RANBP9: variants seen among roughly 807,000 people sequenced by gnomAD.
RANBP9 encodes ran-binding protein 9.
A neutral mutation model predicts 84.3 loss-of-function variants in RANBP9; 15 were observed. The ratio of observed to expected loss-of-function variants is 0.18; its 90% confidence interval spans 0.12 to 0.27. The LOEUF is 0.27. Ranked by LOEUF, RANBP9 falls within the 10% of genes least tolerant of loss-of-function variation. The probability of loss-of-function intolerance (pLI) is 1.00; values close to 1 mark genes in which losing one functional copy is unlikely to be tolerated. For synonymous variants in RANBP9, 392 were observed against 349.6 expected (o/e 1.12, Z -1.35); for missense variants, 809 against 912.8 (o/e 0.89, Z 1.46).
At chr6:13,633,456 T>C (rs1048380445) in intron 11 of RANBP9, among the ~76,000 whole-genome samples, 5 of 152,256 alleles carry the variant, frequency 3.3e-5, no homozygotes, top group Non-Finnish European at 5.9e-5. Flanking sequence ...CTTTGTGCTA[T>C]TAGCTTTTTG....
At chr6:13,694,945 C>T (rs1010649915) in intron 2 of RANBP9, among the ~76,000 whole-genome samples, 4 of 152,062 alleles carry the variant, frequency 2.6e-5, no homozygotes, top group South Asian at 4.2e-4. Flanking sequence ...ATATCAACTG[C>T]GATGCTGGTT....
At chr6:13,627,004 C>A (rs753650381) in intron 12 of RANBP9, among the ~76,000 whole-genome samples, 4 of 152,204 alleles carry the variant, frequency 2.6e-5, no homozygotes, top group African/African-American at 4.8e-5. Flanking sequence ...CGTGCCTCTA[C>A]GCAAACACAC....
At chr6:13,643,056 A>T (rs561272162) in intron 6 of RANBP9, among the ~76,000 whole-genome samples, 2 of 152,248 alleles carry the variant, frequency 1.3e-5, no homozygotes, top group African/African-American at 4.8e-5. Context: ...TTCTTTACAC[A>T]CCGGTTAAAT....
At chr6:13,669,738 G>A (rs1765730705) in intron 2 of RANBP9, among the ~76,000 whole-genome samples, 1 of 152,090 alleles carries the variant, frequency 6.6e-6, no homozygotes, top group Non-Finnish European at 1.5e-5. Context: ...ACAGTTGCAT[G>A]CCACCATGCC....
intron 2 of RANBP9, among the ~76,000 whole-genome samples, chr6:13,667,495 T>G (rs559292506): frequency 3.1e-4 from 47 of 152,320 alleles, no homozygotes; most frequent in Non-Finnish European, 6.2e-4. Flanking sequence ...ATGTTCCACA[T>G]AACAAATGTT....
chr6:13,644,513 A>C, intron 6 of RANBP9, 32 bp downstream of exon 6: 1 of 1,588,872 alleles, frequency 6.3e-7, no homozygotes, highest in Middle Eastern at 1.7e-4. Flanking sequence ...ACAGATTCTG[A>C]ATAGCATCAA....
At chr6:13,658,168 G>C (rs898033575) in intron 3 of RANBP9, among the ~76,000 whole-genome samples, 1 of 151,938 alleles carries the variant, frequency 6.6e-6, no homozygotes, top group South Asian at 2.1e-4. Context: ...AAAATGTGAT[G>C]GGTAGCCAAT....
chr6:13,649,458 A>G (rs1335339755), intron 5 of RANBP9, among the ~76,000 whole-genome samples: 3 of 125,448 alleles, frequency 2.4e-5, no homozygotes, highest in Non-Finnish European at 5.1e-5. Flanking sequence ...TAGTGCCACA[A>G]CAGAAAAAAA....
intron 5 of RANBP9, among the ~76,000 whole-genome samples, 181 bp from the exon 6 acceptor site, chr6:13,644,910 T>C (rs940759848): frequency 2.0e-5 from 3 of 152,118 alleles, no homozygotes; most frequent in East Asian, 1.9e-4. Flanking sequence ...TGAAAAAATA[T>C]CACTTCCTGC....
Position 13,659,294 on chromosome 6 carries a change from A to G in RANBP9, c.684-462T>C, listed in dbSNP as rs3799929. ...CACACACACACACACACACACACAC[A>G]CGGAAATATGGATTCATATTTGGAA... On this transcript the variant is annotated intron_variant, in intron 2 of 13. Coordinates refer to ENST00000011619, the MANE Select transcript of RANBP9 (RefSeq NM_005493.3). Among the ~76,000 whole-genome samples the G allele has an allele frequency of 1.7e-3, 247 of 147,588 alleles. 8 individuals carry two copies. In the East Asian group the frequency reaches 0.045, roughly 27 times the overall value.
chr6:13,643,475 G>A (rs1765112904), intron 6 of RANBP9, among the ~76,000 whole-genome samples: 1 of 152,058 alleles, frequency 6.6e-6, no homozygotes, highest in African/African-American at 2.4e-5. Flanking sequence ...AAGAGCGGAG[G>A]GAGAAAAGGG....
chr6:13,695,020 G>A (rs1362520), intron 2 of RANBP9, among the ~76,000 whole-genome samples: 62,386 of 151,986 alleles, frequency 0.41, 13,221 homozygotes, highest in Admixed American at 0.51. Flanking sequence ...AGTTTACTAT[G>A]TGTAAAATAT....
rs768328303 is a variant in RANBP9, at chr6:13,622,453, G to C, written c.2099C>G (p.Ala700Gly). The C allele has an allele frequency of 3.1e-6, 5 of 1,599,544 alleles. No individual in the cohort carries two copies. Among genetic ancestry groups the C allele is most frequent in the Non-Finnish European group, 3.4e-6 (4 of 1,173,572 alleles). Residue 700 changes from alanine (A) to glycine (G), a missense_variant, in exon 14 of 14, where the codon GCA (alanine) becomes GGA (glycine). This residue lies in a region of RANBP9 where 233 missense variants were observed against 234.4 expected (regional missense o/e 0.99). Coordinates refer to ENST00000011619, the MANE Select transcript of RANBP9 (RefSeq NM_005493.3). ...NLPKQPPLAL[A>G]MGQATQCLGL... ...TAGACATTGTGTGGCCTGTCCCATT[G>C]CTAGGGCAAGTGGAGGTTGCTTTGG...
In RANBP9 at chr6:13,640,265, G is replaced by A. The variant is rs182359261; in HGVS notation, c.1335-512C>T. On this transcript the variant is annotated intron_variant, in intron 8 of 13. Coordinates refer to ENST00000011619, the MANE Select transcript of RANBP9 (RefSeq NM_005493.3). Reference sequence around the variant, plus strand: ...AAGGATATCTGTTGCTTAACAAGTTGAAATCTGAAGCTCAGTAACATCTCA... The same window carrying A: ...AAGGATATCTGTTGCTTAACAAGTTAAAATCTGAAGCTCAGTAACATCTCA... Among the ~76,000 whole-genome samples the A allele has an allele frequency of 6.7e-4, 102 of 152,170 alleles. 1 individual carries two copies. The East Asian group carries it at 0.018, about 27-fold the overall frequency.
intron 2 of RANBP9, among the ~76,000 whole-genome samples, chr6:13,669,084 C>A (rs912893828): frequency 1.3e-5 from 2 of 151,370 alleles, no homozygotes; most frequent in African/African-American, 4.9e-5. Context: ...TTTCTACACA[C>A]TAGAAATAAT....
chr6:13,666,435 G>C (rs951231242), intron 2 of RANBP9, among the ~76,000 whole-genome samples: 2 of 151,498 alleles, frequency 1.3e-5, no homozygotes, highest in Admixed American at 6.6e-5. Context: ...TTTTTGAAAA[G>C]ATAAGAACCC....
At chr6:13,637,141 C>T (rs1764957079) in intron 10 of RANBP9, among the ~76,000 whole-genome samples, 1 of 152,090 alleles carries the variant, frequency 6.6e-6, no homozygotes, top group South Asian at 2.1e-4. Context: ...AAATATTAAA[C>T]CTGAGTATAT....
intron 1 of RANBP9, among the ~76,000 whole-genome samples, chr6:13,702,632 T>G (rs1758003101): frequency 6.6e-6 from 1 of 152,232 alleles, no homozygotes; most frequent in Admixed American, 6.5e-5. Context: ...AAGGATAATT[T>G]TGGTTATGTA....
intron 2 of RANBP9, among the ~76,000 whole-genome samples, chr6:13,679,715 C>G (rs1288076957): frequency 6.6e-6 from 1 of 152,072 alleles, no homozygotes; most frequent in East Asian, 1.9e-4. Context: ...CAAATAAGTT[C>G]AGAAGAAACT....
Sources: allele counts gnomAD v4.1 joint callset (sites outside exome capture counted in the v4.1 genomes callset), GRCh38; gene constraint gnomAD v4.1.1; regional missense constraint gnomAD v4.1.1; transcripts MANE v1.5; gene names NCBI Gene and HGNC (gene_info 2026-07-23, HGNC 2026-07-21).